Variants in GLG1 observed in about 807,000 individuals in gnomAD.
The protein encoded by GLG1 is golgi glycoprotein 1, also known as Golgi apparatus protein 1.
A neutral mutation model predicts 160.5 loss-of-function variants in GLG1; 38 were observed. The ratio of observed to expected loss-of-function variants is 0.24; its 90% confidence interval spans 0.18 to 0.31. The LOEUF is 0.31. Among genes scored for constraint, GLG1 ranks in the 10% least tolerant of loss-of-function variants. The pLI, the probability that GLG1 is intolerant of heterozygous loss-of-function variation, is 1.00. For missense variants in GLG1, 1,373 were observed against 1,505.2 expected, an observed-to-expected ratio of 0.91 and a Z score of 1.45; for synonymous variants, 644 against 543.4, an observed-to-expected ratio of 1.19 and a Z score of -2.57.
At chr16:74,525,656 T>C (rs1161187158) in intron 2 of GLG1, among the ~76,000 whole-genome samples, 1 of 150,442 alleles carries the variant, frequency 6.6e-6, no homozygotes, top group African/African-American at 2.5e-5. Flanking sequence ...GCTATCTGTA[T>C]ATTTTCTTCT....
rs759807323 is a variant in GLG1 at position 74,508,848 on chromosome 16, A to G, written c.549T>C (p.Thr183=). ...ESVAREVCKS[T]ITEIKECADE... is the part of the protein sequence containing the mutation. ...TTCTTTGACAACTTACCTCTGTTATAGTAGATTTGCAAACCTCTCTGGCCA... is the reference window on the plus strand; with the variant it reads ...TTCTTTGACAACTTACCTCTGTTATGGTAGATTTGCAAACCTCTCTGGCCA... Residue 183 remains threonine (T), a synonymous_variant, in exon 3 of 26, where the codon ACT becomes ACC. Coordinates refer to ENST00000422840, the MANE Select transcript of GLG1 (RefSeq NM_001145667.2). 2.1e-6 allele frequency: 3 copies of G among 1,436,894 alleles called. No individual in the cohort carries two copies. The highest frequency in any genetic ancestry group is 9.8e-7 in the Non-Finnish European group (1 of 1,019,090). The allele number at this position is 1,436,894 out of a possible 1,614,324, so 89.0% of individuals were successfully genotyped here.
chr16:74,481,161 AGGAAATG>A (rs2015585328), intron 10 of GLG1, among the ~76,000 whole-genome samples: 1 of 152,222 alleles, frequency 6.6e-6, no homozygotes, highest in South Asian at 2.1e-4. Context: ...CAGTAAGATC[AGGAAATG>A]GCAAGATAAA....
At chr16:74,503,441 G>T in intron 4 of GLG1, 90 bp downstream of exon 4, 1 of 847,050 alleles carries the variant, frequency 1.2e-6, no homozygotes, top group Non-Finnish European at 2.0e-6. Flanking sequence ...GGTCACTCCA[G>T]TCCTAAATTT....
At chr16:74,493,204 A>C in intron 6 of GLG1, 64 bp from the exon 7 acceptor site, 6 of 1,091,256 alleles carry the variant, frequency 5.5e-6, no homozygotes, top group Non-Finnish European at 8.1e-6. Flanking sequence ...GACGTGTACC[A>C]CTAAGATGAG....
intron 19 of GLG1, among the ~76,000 whole-genome samples, chr16:74,463,710 C>T (rs907126601): frequency 6.9e-6 from 1 of 145,714 alleles, no homozygotes; most frequent in Non-Finnish European, 1.5e-5. Flanking sequence ...CGTCACCACG[C>T]CCAGCTCATT....
intron 4 of GLG1, among the ~76,000 whole-genome samples, chr16:74,497,474 T>C (rs531834574): frequency 1.3e-4 from 19 of 147,848 alleles, no homozygotes; most frequent in Non-Finnish European, 2.7e-4. Flanking sequence ...GTCTCGCTCT[T>C]TCGCCCAGGC....
intron 1 of GLG1, among the ~76,000 whole-genome samples, chr16:74,592,350 C>T (rs1958204113): frequency 6.6e-6 from 1 of 152,060 alleles, no homozygotes; most frequent in African/African-American, 2.4e-5. Flanking sequence ...CCCCATGTTG[C>T]CCAGGCTGTT....
At position 74,474,526 on chromosome 16, in the gene GLG1, G is replaced by A. The variant is rs747380833; in HGVS notation, c.2052+20C>T. On this transcript the variant is annotated intron_variant, in intron 13 of 25. Transcript: ENST00000422840. ...GCTGGCAGCCACTCTCCTCCAATGA[G>A]TAAGCTGCATACCACTTACCTCTGA... The A allele has an allele frequency of 1.2e-5, 14 of 1,178,272 alleles. No individual in the cohort carries two copies. In the Admixed American group the frequency reaches 1.8e-4, roughly 16 times the overall value. 73.0% of individuals were successfully genotyped at this position (1,178,272 alleles called of 1,614,324 possible).
chr16:74,453,098 G>C lies in GLG1; in HGVS notation c.*69C>G. The C allele has an allele frequency of 6.4e-7, 1 of 1,564,430 alleles. No homozygotes were observed. The highest frequency in any genetic ancestry group is 8.7e-7 in the Non-Finnish European group (1 of 1,155,446). On this transcript the variant is annotated 3_prime_UTR_variant, in exon 26 of 26. Coordinates refer to ENST00000422840, the MANE Select transcript of GLG1 (RefSeq NM_001145667.2). ...CTTCTGAGAAGAGCGAGGTGAGTGG[G>C]GATGCTATACAAGAGGGCTGTACAA... is the stretch of plus-strand genomic sequence containing the variant.
At chr16:74,547,092 A>C (rs182649681) in intron 1 of GLG1, among the ~76,000 whole-genome samples, 2 of 152,180 alleles carry the variant, frequency 1.3e-5, no homozygotes, top group Admixed American at 1.3e-4. Flanking sequence ...ACAGTCTTTT[A>C]TTATATCATT....
At chr16:74,604,595 T>A (rs569675249) in intron 1 of GLG1, among the ~76,000 whole-genome samples, 22 of 152,374 alleles carry the variant, frequency 1.4e-4, no homozygotes, top group Admixed American at 1.2e-3. Context: ...TATCAAATAG[T>A]TCTACTTACT....
chr16:74,542,930 T>C (rs2017943307), intron 1 of GLG1, among the ~76,000 whole-genome samples: 1 of 152,192 alleles, frequency 6.6e-6, no homozygotes, highest in Non-Finnish European at 1.5e-5. Context: ...GTTACTTCTA[T>C]AATTTTGAAA....
chr16:74,449,022 A>T lies in GLG1; in HGVS notation c.*4145T>A, dbSNP rs1174950506. 6.6e-6 allele frequency: 1 copy of T among 152,082 alleles called. No individual in the cohort carries two copies. The highest frequency in any genetic ancestry group is 1.5e-5 in the Non-Finnish European group (1 of 68,136). 9.4% of individuals were successfully genotyped at this position (152,082 alleles called of 1,614,324 possible). ...AGGCTGAGGCAGGACAATCGCTTGA[A>T]CCAGGGAGTCGGAGGATTCGGTAAG... On this transcript the variant is annotated 3_prime_UTR_variant, in exon 26 of 26. Coordinates refer to ENST00000422840, the MANE Select transcript of GLG1 (RefSeq NM_001145667.2).
intron 1 of GLG1, among the ~76,000 whole-genome samples, chr16:74,588,789 G>A (rs772763423): frequency 1.3e-5 from 2 of 152,076 alleles, no homozygotes; most frequent in Admixed American, 6.6e-5. Flanking sequence ...TGTAAAATAA[G>A]TCTCATATCT....
intron 11 of GLG1, among the ~76,000 whole-genome samples, chr16:74,479,648 G>A (rs540617164): frequency 6.6e-6 from 1 of 152,264 alleles, no homozygotes; most frequent in African/African-American, 2.4e-5. Flanking sequence ...CCGGAACAAA[G>A]GCAGGACTGA....
chr16:74,580,730 AAAGG>A (rs1405192436), intron 1 of GLG1, among the ~76,000 whole-genome samples: 1 of 152,224 alleles, frequency 6.6e-6, no homozygotes, highest in East Asian at 1.9e-4. Context: ...CAACCTATGA[AAAGG>A]AAGAAAATAT....
chr16:74,522,160 G>C (rs7188197), intron 2 of GLG1, among the ~76,000 whole-genome samples: 21,252 of 152,246 alleles, frequency 0.14, 1,677 homozygotes, highest in East Asian at 0.17. Context: ...GAAGTTAATA[G>C]AATTCAAATA....
intron 10 of GLG1, among the ~76,000 whole-genome samples, chr16:74,480,829 G>A (rs2015572323): frequency 6.6e-6 from 1 of 152,138 alleles, no homozygotes; most frequent in South Asian, 2.1e-4. Context: ...TGGGATTACA[G>A]GCATAAGGCA....
At chr16:74,555,858 G>A (rs1466689468) in intron 1 of GLG1, among the ~76,000 whole-genome samples, 1 of 148,894 alleles carries the variant, frequency 6.7e-6, no homozygotes, top group African/African-American at 2.5e-5. Flanking sequence ...TTTTGAGACA[G>A]GGTCTTGGTC....
Sources: allele counts gnomAD v4.1 joint callset (sites outside exome capture counted in the v4.1 genomes callset), GRCh38; gene constraint gnomAD v4.1.1; transcripts MANE v1.5; gene names NCBI Gene and HGNC (gene_info 2026-07-23, HGNC 2026-07-21).